The following SASH1 variants were observed in gnomAD, a reference collection of about 807,000 sequenced individuals.
SASH1 encodes SAM and SH3 domain containing 1.
SASH1 carries 44 observed loss-of-function variants against 125.2 expected under a neutral mutation model. That is an observed-to-expected ratio of 0.35 (90% CI 0.28 to 0.45). SASH1 has a LOEUF of 0.45. Among genes scored for constraint, SASH1 ranks in the 20% least tolerant of loss-of-function variants. The pLI is 1.00. For synonymous variants in SASH1, 639 were observed against 649.1 expected, an observed-to-expected ratio of 0.98 and a Z score of 0.24; for missense variants, 1,426 against 1,614.5, an observed-to-expected ratio of 0.88 and a Z score of 2.00.
intron 1 of SASH1, among the ~76,000 whole-genome samples, chr6:148,347,027 G>A (rs1269508279): frequency 2.0e-5 from 3 of 152,206 alleles, no homozygotes; most frequent in African/African-American, 7.2e-5. Context: ...GGCAGACACG[G>A]CATTCCTTTT....
At chr6:148,305,641 A>AAAAAAAAAAAAAAAAAG (rs1554232122) in intron 1 of SASH1, among the ~76,000 whole-genome samples, 1 of 133,146 alleles carries the variant, frequency 7.5e-6, no homozygotes, top group Non-Finnish European at 1.6e-5. Context: ...AAAAAAAAAA[A>AAAAAAAAAAAAAAAAAG]AAAGAAAGAA....
chr6:148,237,803 C>A, the SASH1 span, among the ~76,000 whole-genome samples: 1 of 152,216 alleles, frequency 6.6e-6, no homozygotes, highest in Non-Finnish European at 1.5e-5. Flanking sequence ...AGCTTTCCAG[C>A]AGAGCTAGTT....
intron 2 of SASH1, among the ~76,000 whole-genome samples, chr6:148,391,888 C>A (rs1402133969): frequency 6.6e-6 from 1 of 152,188 alleles, no homozygotes; most frequent in Non-Finnish European, 1.5e-5. Context: ...AATGTTCAAC[C>A]CTCTGTCTCC....
the SASH1 span, among the ~76,000 whole-genome samples, chr6:148,254,111 G>C: frequency 3.3e-5 from 5 of 151,882 alleles, no homozygotes; most frequent in Admixed American, 3.3e-4. Context: ...GGAGGCTGAG[G>C]CACAAGAATC....
rs928603854 is a variant in SASH1 at position 148,532,075 on chromosome 6, A to ATTTTAT, written c.1564+431_1564+436dup. Among the ~76,000 whole-genome samples, 5 of 152,052 alleles carry ATTTTAT rather than the reference A, an allele frequency of 3.3e-5. No individual in the cohort carries two copies. The highest frequency in any genetic ancestry group is 9.7e-5 in the African/African-American group (4 of 41,394). Reference sequence around the variant, plus strand: ...TGGTATGAAGGAAAAGATCAACTTTATTTTATTTTTATTTTTATTTTTGAG... The same window carrying ATTTTAT: ...TGGTATGAAGGAAAAGATCAACTTTATTTTATTTTTATTTTTATTTTTATTTTTGAG... On this transcript the variant is annotated intron_variant, in intron 13 of 19. Transcript: ENST00000367467. This position sits in a 1 kb window ranked among gnomAD's most constrained non-coding sequence, Gnocchi z 4.7.
chr6:148,242,679 C>T, the SASH1 span, among the ~76,000 whole-genome samples: 1 of 152,178 alleles, frequency 6.6e-6, no homozygotes, highest in African/African-American at 2.4e-5. Context: ...AAAAGGGTAG[C>T]TGCCACTATA....
At position 148,342,842 on chromosome 6, in the gene SASH1, A is replaced by C. The variant is rs1582989643; in HGVS notation, c.-226A>C. The stretch of plus-strand genomic sequence containing the variant: ...TGTTGCTGCGCCGAGCGGGGTGGGA[A>C]AGTTTCTGGAGTTGTCAGTCGCGCA... On this transcript the variant is annotated 5_prime_UTR_variant, in exon 1 of 20. Coordinates refer to ENST00000367467, the MANE Select transcript of SASH1 (RefSeq NM_015278.5). 5.9e-6 allele frequency: 1 copy of C among 170,264 alleles called. No homozygotes were observed. Among genetic ancestry groups the C allele is most frequent in the Non-Finnish European group, 1.2e-5 (1 of 84,604 alleles). The allele number at this position is 170,264 out of a possible 1,614,324, so 10.5% of individuals were successfully genotyped here. A position where few individuals can be genotyped will look rare whatever the true frequency, so the allele number is the denominator to read the frequency against.
chr6:148,292,725 A>G (rs1268888973), intron 1 of SASH1, among the ~76,000 whole-genome samples: 1 of 152,144 alleles, frequency 6.6e-6, no homozygotes, highest in Non-Finnish European at 1.5e-5. Flanking sequence ...AATTCCATTG[A>G]TCGTAGGTTC....
chr6:148,405,344 C>T (rs900132866), intron 2 of SASH1, among the ~76,000 whole-genome samples: 1 of 152,084 alleles, frequency 6.6e-6, no homozygotes, highest in Admixed American at 6.5e-5. Context: ...ATAGAAAGCT[C>T]CCCTCCAACT....
At chr6:148,433,931 AAT>A (rs1348514740) in intron 2 of SASH1, among the ~76,000 whole-genome samples, 1 of 151,946 alleles carries the variant, frequency 6.6e-6, no homozygotes, top group Non-Finnish European at 1.5e-5. Context: ...ATGTTTTAAA[AAT>A]ATATTAAAGT....
At chr6:148,466,023 C>T (rs12527089) in intron 4 of SASH1, among the ~76,000 whole-genome samples, 7,052 of 152,170 alleles carry the variant, frequency 0.046, 248 homozygotes, top group South Asian at 0.14. Flanking sequence ...TACATTTTGG[C>T]TGAAAGATTT....
chr6:148,409,914 G>A (rs1214581280), intron 2 of SASH1, among the ~76,000 whole-genome samples: 4 of 151,384 alleles, frequency 2.6e-5, no homozygotes, highest in Non-Finnish European at 5.9e-5. Flanking sequence ...ACTCCAGCCT[G>A]GGCAACAGAG....
Position 148,549,362 on chromosome 6 carries a change from A to G in SASH1, c.*804A>G, listed in dbSNP as rs1221524755. 5.6e-6 allele frequency: 2 copies of G among 359,186 alleles called. No homozygotes were observed. Among genetic ancestry groups the G allele is most frequent in the Non-Finnish European group, 5.0e-6 (1 of 201,502 alleles). 22.2% of individuals were successfully genotyped at this position (359,186 alleles called of 1,614,324 possible). On this transcript the variant is annotated 3_prime_UTR_variant, in exon 20 of 20. Coordinates refer to ENST00000367467, the MANE Select transcript of SASH1 (RefSeq NM_015278.5). ...TTGGTTTTTGGTTTTTAAGCTAACT[A>G]CAAATCTAGTAAAAAGCTATCTGAA...
intron 2 of SASH1, among the ~76,000 whole-genome samples, chr6:148,400,173 C>T (rs963484209): frequency 2.0e-5 from 3 of 152,196 alleles, no homozygotes; most frequent in African/African-American, 7.2e-5. Context: ...GTGATGTCAA[C>T]AGTCTACATT....
intron 8 of SASH1, chr6:148,513,411 C>T (rs1228101525): frequency 1.0e-6 from 1 of 985,452 alleles, no homozygotes; most frequent in Non-Finnish European, 1.2e-6. Flanking sequence ...AGTCAGAGAT[C>T]TCTTATGCTG....
At chr6:148,420,500 C>T (rs1785013933) in intron 2 of SASH1, among the ~76,000 whole-genome samples, 1 of 152,112 alleles carries the variant, frequency 6.6e-6, no homozygotes, top group South Asian at 2.1e-4. Context: ...CCTGAAGATA[C>T]ACCAGTGAAG....
At chr6:148,458,476 G>A (rs984037478) in intron 4 of SASH1, among the ~76,000 whole-genome samples, 1 of 152,102 alleles carries the variant, frequency 6.6e-6, no homozygotes, top group African/African-American at 2.4e-5. Flanking sequence ...GAGGCAACTA[G>A]CTTGACTATT....
chr6:148,235,496 A>G, the SASH1 span, among the ~76,000 whole-genome samples: 1 of 152,326 alleles, frequency 6.6e-6, no homozygotes, highest in Non-Finnish European at 1.5e-5. Context: ...AATTGATTAG[A>G]AACTGTATAA....
intron 16 of SASH1, among the ~76,000 whole-genome samples, chr6:148,535,963 T>C (rs1441181588): frequency 6.8e-6 from 1 of 147,100 alleles, no homozygotes; most frequent in Non-Finnish European, 1.5e-5. Flanking sequence ...AATTCCCTTC[T>C]GCTAAATAGG....
Sources: allele counts gnomAD v4.1 joint callset (sites outside exome capture counted in the v4.1 genomes callset), GRCh38; gene constraint gnomAD v4.1.1; non-coding constraint Gnocchi (gnomAD v3.1); transcripts MANE v1.5; gene names NCBI Gene and HGNC (gene_info 2026-07-23, HGNC 2026-07-21).